The following EPHA6 variants were observed in gnomAD, a reference collection of about 807,000 sequenced individuals.
EPHA6 encodes ephrin type-A receptor 6.
A neutral mutation model predicts 112.0 loss-of-function variants in EPHA6; 50 were observed. The ratio of observed to expected loss-of-function variants is 0.45; its 90% CI spans 0.36 to 0.56. The LOEUF (loss-of-function observed/expected upper bound fraction) is 0.56. Ranked by LOEUF, EPHA6 falls within the 20% of genes least tolerant of loss-of-function variation. The probability of loss-of-function intolerance (pLI) is 0.00; values close to 1 mark genes in which losing one functional copy is unlikely to be tolerated. For missense variants in EPHA6, 1,280 were observed against 1,417.4 expected, an observed-to-expected ratio of 0.90 and a Z score of 1.56; for synonymous variants, 529 against 490.7, an observed-to-expected ratio of 1.08 and a Z score of -1.03.
intron 6 of EPHA6, among the ~76,000 whole-genome samples, chr3:97,412,458 T>C (rs1212529053): frequency 6.6e-6 from 1 of 152,084 alleles, no homozygotes; most frequent in African/African-American, 2.4e-5. Flanking sequence ...CATGTCTTTA[T>C]CTCTTTTTCG....
intron 3 of EPHA6, among the ~76,000 whole-genome samples, chr3:97,139,751 A>G (rs375192707): frequency 9.1e-4 from 138 of 152,312 alleles, no homozygotes; most frequent in African/African-American, 3.3e-3. Flanking sequence ...AGAAAACAAT[A>G]TAAGAACTCT....
At chr3:97,380,481 C>A (rs1221523208) in intron 5 of EPHA6, among the ~76,000 whole-genome samples, 1 of 152,082 alleles carries the variant, frequency 6.6e-6, no homozygotes, top group African/African-American at 2.4e-5. Context: ...CCGTGGATCC[C>A]TTTGGGCTTC....
chr3:97,198,509 G>A (rs747808327), intron 3 of EPHA6, among the ~76,000 whole-genome samples: 36 of 132,502 alleles, frequency 2.7e-4, no homozygotes, highest in African/African-American at 1.2e-3. Flanking sequence ...TTGAGTCCAC[G>A]CAGACTGTGG....
chr3:97,016,927 G>A (rs2044285752), intron 3 of EPHA6, among the ~76,000 whole-genome samples: 1 of 152,174 alleles, frequency 6.6e-6, no homozygotes, highest in South Asian at 2.1e-4. Flanking sequence ...GAGTAGTAGA[G>A]CATTGTTTGG....
At chr3:97,559,300 G>A (rs1031568400) in intron 11 of EPHA6, among the ~76,000 whole-genome samples, 4 of 152,010 alleles carry the variant, frequency 2.6e-5, no homozygotes, top group Non-Finnish European at 4.4e-5. Flanking sequence ...AAAATGCAAT[G>A]CATATGAATT....
At chr3:97,453,318 GC>G (rs2090585904) in intron 7 of EPHA6, among the ~76,000 whole-genome samples, 1 of 151,560 alleles carries the variant, frequency 6.6e-6, no homozygotes, top group Non-Finnish European at 1.5e-5. Flanking sequence ...CTCTTCCATT[GC>G]CTTAATAATT....
At chr3:97,103,328 G>A (rs1293050894) in intron 3 of EPHA6, among the ~76,000 whole-genome samples, 5 of 152,046 alleles carry the variant, frequency 3.3e-5, no homozygotes, top group African/African-American at 1.2e-4. Flanking sequence ...ATATAGTGTA[G>A]GGAGGGGATC....
intron 5 of EPHA6, among the ~76,000 whole-genome samples, chr3:97,381,269 G>A (rs922995762): frequency 6.6e-6 from 1 of 151,962 alleles, no homozygotes; most frequent in Non-Finnish European, 1.5e-5. Context: ...GCATAATAAT[G>A]AGAATTAATA....
chr3:97,151,085 C>T (rs921686556), intron 3 of EPHA6, among the ~76,000 whole-genome samples: 6 of 152,092 alleles, frequency 3.9e-5, no homozygotes, highest in African/African-American at 1.4e-4. Flanking sequence ...ATACTATTGT[C>T]TTCAAAGAAC....
intron 3 of EPHA6, among the ~76,000 whole-genome samples, chr3:97,206,916 C>T (rs1163642811): frequency 6.6e-6 from 1 of 151,942 alleles, no homozygotes; most frequent in Non-Finnish European, 1.5e-5. Flanking sequence ...TATATTAATT[C>T]TGTAGTTTGT....
Position 97,507,893 on chromosome 3 carries a change from G to C in EPHA6, c.2200+23834G>C, listed in dbSNP as rs553668238. Reference sequence around the variant, plus strand: ...TTCTTCCTGGTTTAGCCTTGGGAGGGTGTACGTGTCCAGGAATTTATCCAT... The same window carrying C: ...TTCTTCCTGGTTTAGCCTTGGGAGGCTGTACGTGTCCAGGAATTTATCCAT... On this transcript the variant is annotated intron_variant, in intron 10 of 17. Transcript: ENST00000389672. 4.6e-3 allele frequency among the ~76,000 whole-genome samples: 699 copies of C among 152,232 alleles called. 6 individuals are homozygous for C. The highest frequency in any genetic ancestry group is 0.016 in the African/African-American group (677 of 41,542).
chr3:96,887,165 T>C (rs1328102318), intron 2 of EPHA6, among the ~76,000 whole-genome samples: 2 of 152,068 alleles, frequency 1.3e-5, no homozygotes, highest in African/African-American at 4.8e-5. Flanking sequence ...TGAAGAGCCT[T>C]GTTTCTTCAT....
chr3:96,826,941 A>G (rs916654393), intron 1 of EPHA6, among the ~76,000 whole-genome samples: 1 of 152,122 alleles, frequency 6.6e-6, no homozygotes, highest in African/African-American at 2.4e-5. Context: ...TCAGTTGTAC[A>G]ATTATGACTA....
At chr3:96,936,205 A>G (rs1226239844) in intron 2 of EPHA6, among the ~76,000 whole-genome samples, 2 of 152,114 alleles carry the variant, frequency 1.3e-5, no homozygotes, top group African/African-American at 4.8e-5. Flanking sequence ...GCAATACGTC[A>G]TTTTAGGCCC....
chr3:97,524,405 C>T (rs1227408384), intron 10 of EPHA6, among the ~76,000 whole-genome samples: 1 of 151,998 alleles, frequency 6.6e-6, no homozygotes, highest in African/African-American at 2.4e-5. Context: ...GCTATTGATG[C>T]AATAATTTAT....
intron 3 of EPHA6, among the ~76,000 whole-genome samples, chr3:97,031,493 A>G (rs1317429700): frequency 1.3e-5 from 2 of 152,156 alleles, no homozygotes; most frequent in Non-Finnish European, 2.9e-5. Flanking sequence ...AGAAACCACC[A>G]TCAGAGTGAA....
In EPHA6 at chr3:97,759,123, G is replaced by A. The variant is rs922339965; in HGVS notation, c.*10422G>A. On this transcript the variant is annotated 3_prime_UTR_variant, in exon 18 of 18. Transcript: ENST00000389672. ...ACAGAAGAAATGGAGTATAAAGTAA[G>A]CTAGAGAAAAAGGAAATGCAGTTGC... Among the ~76,000 whole-genome samples, 2 of 151,958 alleles carry A rather than the reference G, an allele frequency of 1.3e-5. No individual in the cohort carries two copies. The highest frequency in any genetic ancestry group is 3.9e-4 in the East Asian group (2 of 5,188).
At chr3:97,607,511 T>A (rs1241141179) in intron 12 of EPHA6, among the ~76,000 whole-genome samples, 4 of 151,260 alleles carry the variant, frequency 2.6e-5, no homozygotes, top group African/African-American at 4.8e-5. Flanking sequence ...AGGATCTTCA[T>A]TCAAATGCAG....
intron 2 of EPHA6, among the ~76,000 whole-genome samples, chr3:96,890,085 T>A (rs373622189): frequency 1.3e-5 from 2 of 151,684 alleles, no homozygotes; most frequent in African/African-American, 2.4e-5. Context: ...TCATGAGTTT[T>A]GAATGGTAGA....
Sources: allele counts gnomAD v4.1 joint callset (sites outside exome capture counted in the v4.1 genomes callset), GRCh38; gene constraint gnomAD v4.1.1; transcripts MANE v1.5; gene names NCBI Gene and HGNC (gene_info 2026-07-23, HGNC 2026-07-21).